TRIP11: variants seen among roughly 807,000 people sequenced by gnomAD.
TRIP11 encodes the protein thyroid receptor-interacting protein 11.
A neutral mutation model predicts 223.1 loss-of-function variants in TRIP11; 148 were observed. That is an observed-to-expected ratio of 0.66 (90% CI 0.58 to 0.76). The LOEUF (loss-of-function observed/expected upper bound fraction) is 0.76. Ranked by LOEUF, TRIP11 falls within the 30% of genes least tolerant of loss-of-function variation. The probability of loss-of-function intolerance (pLI) is 0.00; values close to 1 mark genes in which losing one functional copy is unlikely to be tolerated. For missense variants in TRIP11, 2,043 were observed against 2,222.0 expected (o/e 0.92, Z 1.62); for synonymous variants, 762 against 772.6 (o/e 0.99, Z 0.23).
intron 7 of TRIP11, among the ~76,000 whole-genome samples, chr14:92,013,897 T>C (rs972618909): frequency 6.6e-6 from 1 of 152,208 alleles, no homozygotes; most frequent in African/African-American, 2.4e-5. Flanking sequence ...AGGGCTTTGC[T>C]TGGATATAGG....
rs1327308412 is a variant in TRIP11, at chr14:91,975,737, T to C, written c.5342+371A>G. 3.3e-5 allele frequency among the ~76,000 whole-genome samples: 5 copies of C among 152,266 alleles called. No homozygotes were observed. The South Asian group carries it at 8.3e-4, about 25-fold the overall frequency. On this transcript the variant is annotated intron_variant, in intron 17 of 20. Coordinates refer to ENST00000267622, the MANE Select transcript of TRIP11 (RefSeq NM_004239.4). ...AAATATTAAATGAGCTACTGTTGCATATATACTGAGGTTTCAGATCTAATA... is the reference window on the plus strand; with the variant it reads ...AAATATTAAATGAGCTACTGTTGCACATATACTGAGGTTTCAGATCTAATA...
intron 20 of TRIP11, among the ~76,000 whole-genome samples, chr14:91,971,589 A>G (rs1372626634): frequency 6.6e-6 from 1 of 151,886 alleles, no homozygotes; most frequent in Non-Finnish European, 1.5e-5. Flanking sequence ...GGAGAAGGGA[A>G]GAAAAGGGAA....
At position 91,971,856 on chromosome 14, in the gene TRIP11, C is replaced by T. The variant is rs147592260; in HGVS notation, c.5719+861G>A. Among the ~76,000 whole-genome samples the T allele has an allele frequency of 8.0e-3, 1,213 of 152,194 alleles. 10 individuals carry two copies. The highest frequency in any genetic ancestry group is 0.01 in the Non-Finnish European group (698 of 67,998). The stretch of plus-strand genomic sequence containing the variant: ...AGAAAAATAGAAATATTTGTCTAAA[C>T]GACAGAAGTTTCAAAAATTTCAGAA... On this transcript the variant is annotated intron_variant, in intron 20 of 20. Transcript: ENST00000267622.
chr14:92,014,089 T>G, intron 7 of TRIP11, 126 bp downstream of exon 7: 1 of 1,341,014 alleles, frequency 7.5e-7, no homozygotes, highest in Non-Finnish European at 1.0e-6. Flanking sequence ...TCTACCCAAA[T>G]GACACACAGT....
In TRIP11 at chr14:92,000,064, T is replaced by C; in HGVS notation, c.4602A>G (p.Ser1534=). ...ELNQLLNAVK[S]MQEKTVVFQQ... is the part of the protein sequence containing the mutation. ...GAAACACAACTGTCTTCTCCTGCAT[T>C]GATTTAACTGCATTTAAAAGCTGAT... Residue 1534 remains serine, a synonymous_variant, in exon 12 of 21, where the codon TCA becomes TCG. Transcript: ENST00000267622. 6.2e-7 allele frequency: 1 copy of C among 1,614,046 alleles called. No homozygotes were observed. Among genetic ancestry groups the C allele is most frequent in the East Asian group, 2.2e-5 (1 of 44,832 alleles).
intron 15 of TRIP11, among the ~76,000 whole-genome samples, chr14:91,990,352 G>T (rs1346242624): frequency 6.6e-6 from 1 of 151,920 alleles, no homozygotes; most frequent in Non-Finnish European, 1.5e-5. Flanking sequence ...TCAGCATTTA[G>T]ATTTTGTTAT....
chr14:91,976,044 GT>G (rs904978671), intron 17 of TRIP11, 63 bp downstream of exon 17: 272 of 1,461,452 alleles, frequency 1.9e-4, no homozygotes, highest in Middle Eastern at 5.5e-4. Context: ...ACATTTAGAA[GT>G]TTTTTTTTAA....
chr14:92,003,530 T>A lies in TRIP11; in HGVS notation c.4446A>T (p.Leu1482Phe), dbSNP rs1271190351. ...TAGAAAACTTCATGTTAGTCTCTTG[T>A]AACGCTTGATATTCTGTTTCCTTTC... ...YRGKETEYQA[L>F]QETNMKFSMM... is the part of the protein sequence containing the mutation. The change falls in exon 11 of 21, where the codon TTA becomes TTT. Residue 1482 changes from leucine (L) to phenylalanine (F), a missense_variant. Coordinates refer to ENST00000267622, the MANE Select transcript of TRIP11 (RefSeq NM_004239.4). 5 of 1,614,180 alleles carry A rather than the reference T, an allele frequency of 3.1e-6. No homozygotes were observed.
At chr14:91,988,751 G>A (rs759720866) in intron 15 of TRIP11, among the ~76,000 whole-genome samples, 2 of 151,922 alleles carry the variant, frequency 1.3e-5, no homozygotes, top group Non-Finnish European at 2.9e-5. Flanking sequence ...ATAAAGTGAT[G>A]TTGATTATGA....
intron 17 of TRIP11, 111 bp from the exon 18 acceptor site, chr14:91,975,397 A>C (rs1255657456): frequency 3.0e-5 from 18 of 606,064 alleles, no homozygotes; most frequent in Non-Finnish European, 4.3e-5. Context: ...TACTTATAAA[A>C]AAGTCTAAAC....
At chr14:91,998,052 T>C (rs1387454723) in intron 13 of TRIP11, among the ~76,000 whole-genome samples, 1 of 152,178 alleles carries the variant, frequency 6.6e-6, no homozygotes, top group Admixed American at 6.5e-5. Flanking sequence ...TATAATAATA[T>C]ACTCTGCAAA....
At chr14:91,977,612 C>CT (rs375940706) in intron 16 of TRIP11, among the ~76,000 whole-genome samples, 22,598 of 144,224 alleles carry the variant, frequency 0.16, 2,208 homozygotes, top group African/African-American at 0.29. Flanking sequence ...TCATTCTTTT[C>CT]TTTTTTTTTT....
chr14:92,009,859 G>GA (rs2140123985), intron 9 of TRIP11, among the ~76,000 whole-genome samples: 1 of 152,270 alleles, frequency 6.6e-6, no homozygotes, highest in East Asian at 1.9e-4. Flanking sequence ...ACATAGTCCA[G>GA]AAAGAAACAC....
In TRIP11 at chr14:92,006,425, C is replaced by G. The variant is rs2056904196; in HGVS notation, c.1551G>C (p.Gln517His). The G allele has an allele frequency of 6.2e-7, 1 of 1,612,550 alleles. No homozygotes were observed. Among genetic ancestry groups the G allele is most frequent in the Admixed American group, 1.7e-5 (1 of 59,974 alleles). ...CTCCTTCATTTTGTTGTTTTGATAG[C>G]TGATCTTTTATCAAAATCATGTGCT... ...ATKHMILIKD[Q>H]LSKQQNEGDS... Residue 517 changes from glutamine (Q) to histidine (H), a missense_variant, in exon 11 of 21, where the codon CAG (glutamine) becomes CAC (histidine). Coordinates refer to ENST00000267622, the MANE Select transcript of TRIP11 (RefSeq NM_004239.4).
At chr14:91,983,784 C>T (rs1347656181) in intron 16 of TRIP11, among the ~76,000 whole-genome samples, 5 of 152,078 alleles carry the variant, frequency 3.3e-5, no homozygotes, top group East Asian at 3.8e-4. Flanking sequence ...GGTAACAAAG[C>T]GTCTGGGAAT....
intron 2 of TRIP11, among the ~76,000 whole-genome samples, chr14:92,028,976 A>T (rs2057224723): frequency 6.6e-6 from 1 of 152,222 alleles, no homozygotes; most frequent in Non-Finnish European, 1.5e-5. Flanking sequence ...GTCTACCAAC[A>T]AAGAGAAAAT....
intron 15 of TRIP11, among the ~76,000 whole-genome samples, chr14:91,992,864 G>C (rs367746609): frequency 7.9e-6 from 1 of 126,754 alleles, no homozygotes; most frequent in Admixed American, 1.0e-4. Context: ...AGCCGAGATC[G>C]CGCTACTGCA....
rs370602649 is a variant in TRIP11, at chr14:92,003,964, A to G, written c.4012T>C (p.Leu1338=). The change falls in exon 11 of 21, where the codon TTG becomes CTG. Residue 1338 remains leucine (L), a synonymous_variant. Coordinates refer to ENST00000267622, the MANE Select transcript of TRIP11 (RefSeq NM_004239.4). The part of the protein sequence containing the change: ...ECLRASKSEV[L]SESSELLQQE... ...TGAAGCAATTCAGAAGATTCACTCA[A>G]TACTTCAGACTTACTTGCTCTAAGA... 1 of 1,614,074 alleles carries G rather than the reference A, an allele frequency of 6.2e-7. No individual in the cohort carries two copies. The highest frequency in any genetic ancestry group is 1.3e-5 in the African/African-American group (1 of 74,930).
rs1365247212 is a variant in TRIP11, at chr14:92,005,660, G to A, written c.2316C>T (p.Asp772=). 6.2e-7 allele frequency: 1 copy of A among 1,613,528 alleles called. No homozygotes were observed. The highest frequency in any genetic ancestry group is 1.3e-5 in the African/African-American group (1 of 74,900). ...TCTTTTTGAGTTCTGCTATTTCCAT[G>A]TCTTTCTTTTGATTGAGTTTAATTA... ...EHLIKLNQKK[D]MEIAELKKNI... is the part of the protein sequence containing the mutation. Residue 772 remains aspartate, a synonymous_variant, in exon 11 of 21, where the codon GAC becomes GAT. Coordinates refer to ENST00000267622, the MANE Select transcript of TRIP11 (RefSeq NM_004239.4).
Sources: gnomAD v4.1 joint callset for allele counts (sites outside exome capture counted in the v4.1 genomes callset) on GRCh38, gnomAD v4.1.1 for gene constraint, MANE v1.5 for transcripts, NCBI Gene and HGNC (gene_info 2026-07-23, HGNC 2026-07-21) for gene names.